The following AKR1C3 variants were observed in gnomAD, a reference collection of about 807,000 sequenced individuals.
The protein encoded by AKR1C3 is 3-alpha hydroxysteroid dehydrogenase, type II.
A neutral mutation model predicts 43.6 loss-of-function variants in AKR1C3; 48 were observed. The observed-to-expected ratio is 1.10, with a 90% CI of 0.87 to 1.40. AKR1C3 has a LOEUF of 1.40. Ranked by LOEUF, AKR1C3 falls within the 40% of genes most tolerant of loss-of-function variation. AKR1C3 has a pLI of 0.00. For missense variants in AKR1C3, 482 were observed against 391.2 expected (o/e 1.23, Z -1.96); for synonymous variants, 162 against 139.6 (o/e 1.16, Z -1.13).
intron 1 of AKR1C3, among the ~76,000 whole-genome samples, chr10:5,055,159 T>C (rs1838233965): frequency 6.6e-6 from 1 of 152,238 alleles, no homozygotes; most frequent in South Asian, 2.1e-4. Flanking sequence ...TCAAATATGG[T>C]TACATCTCTG....
intron 1 of AKR1C3, among the ~76,000 whole-genome samples, chr10:5,065,761 A>G (rs543824131): frequency 6.6e-6 from 1 of 152,266 alleles, no homozygotes; most frequent in East Asian, 1.9e-4. Flanking sequence ...TGGAAAGGAT[A>G]TTTCCTGTCA....
At chr10:5,057,064 G>T (rs1199191336) in intron 1 of AKR1C3, among the ~76,000 whole-genome samples, 2 of 152,208 alleles carry the variant, frequency 1.3e-5, no homozygotes, top group African/African-American at 2.4e-5. Context: ...GGTACCCTCA[G>T]TCCTATTGTT....
chr10:5,067,654 T>C (rs950461248), intron 1 of AKR1C3, among the ~76,000 whole-genome samples: 1 of 152,216 alleles, frequency 6.6e-6, no homozygotes, highest in Non-Finnish European at 1.5e-5. Context: ...ATGACATCCT[T>C]TCATAAAATG....
At chr10:5,103,363 T>C (rs1839407335) in intron 7 of AKR1C3, among the ~76,000 whole-genome samples, 1 of 152,126 alleles carries the variant, frequency 6.6e-6, no homozygotes, top group African/African-American at 2.4e-5. Flanking sequence ...CTTAGTTGCT[T>C]GTCTTTTTTT....
At position 5,049,111 on chromosome 10, in the gene AKR1C3, G is replaced by C. The variant is rs573441425; in HGVS notation, c.84+216G>C. On this transcript the variant is annotated intron_variant, in intron 1 of 8. Transcript: ENST00000439082. ...CATGGTCATCTACTGTTTATTTGGG[G>C]CACTGTTTTTTTTCTTCTATTTATG... is the stretch of plus-strand genomic sequence containing the variant. Among the ~76,000 whole-genome samples the C allele has an allele frequency of 2.8e-3, 285 of 101,604 alleles. 2 individuals carry two copies. The highest frequency in any genetic ancestry group is 0.012 in the African/African-American group (263 of 21,212). The allele number at this position is 101,604 out of a possible 152,430, so 66.7% of individuals were successfully genotyped here.
At chr10:5,096,325 A>G (rs1839205704) in intron 1 of AKR1C3, 85 bp from the exon 2 acceptor site, 1 of 1,492,742 alleles carries the variant, frequency 6.7e-7, no homozygotes, top group Non-Finnish European at 9.0e-7. Context: ...GGAAAAGCTG[A>G]TTCTTGTATA....
intron 8 of AKR1C3, among the ~76,000 whole-genome samples, 177 bp from the exon 9 acceptor site, chr10:5,107,284 T>TA (rs1839530666): frequency 6.6e-6 from 1 of 152,190 alleles, no homozygotes; most frequent in African/African-American, 2.4e-5. Flanking sequence ...GATTGAATAA[T>TA]TTATTATTTT....
chr10:5,056,250 C>G (rs1554779572), intron 1 of AKR1C3, among the ~76,000 whole-genome samples: 1 of 152,128 alleles, frequency 6.6e-6, no homozygotes, highest in East Asian at 1.9e-4. Flanking sequence ...GATGTGTGGT[C>G]TGTGGGATCC....
chr10:5,053,128 T>C (rs1838186545), intron 1 of AKR1C3, among the ~76,000 whole-genome samples: 1 of 152,250 alleles, frequency 6.6e-6, no homozygotes, highest in Admixed American at 6.5e-5. Flanking sequence ...TGCCTGCCAG[T>C]CCCGTGCCAT....
chr10:5,064,016 A>G (rs1299850044), intron 1 of AKR1C3, among the ~76,000 whole-genome samples: 9 of 152,172 alleles, frequency 5.9e-5, no homozygotes, highest in African/African-American at 2.2e-4. Flanking sequence ...CTTCATCAGA[A>G]GTGGAATCTA....
chr10:5,054,022 T>C (rs550068808), intron 1 of AKR1C3, among the ~76,000 whole-genome samples: 4 of 152,108 alleles, frequency 2.6e-5, no homozygotes, highest in African/African-American at 9.6e-5. Context: ...ACTCCAGAGG[T>C]TGGTATAAGA....
At chr10:5,091,116 CGAA>C (rs1180395753), upstream of AKR1C3, among the ~76,000 whole-genome samples, 1 of 151,476 alleles carries the variant, frequency 6.6e-6, no homozygotes, top group Non-Finnish European at 1.5e-5. Flanking sequence ...GAGCAACCAC[CGAA>C]GAAGAAAACG....
intron 1 of AKR1C3, chr10:5,081,690 T>A (rs1188909357): frequency 4.6e-5 from 7 of 152,180 alleles, no homozygotes; most frequent in African/African-American, 1.7e-4. Flanking sequence ...AGGTGTGAAT[T>A]CAAAGGCAGC....
Position 5,097,443 on chromosome 10 carries a change from A to G in AKR1C3, c.262A>G (p.Thr88Ala). 1 of 1,613,606 alleles carries G rather than the reference A, an allele frequency of 6.2e-7. No homozygotes were observed. Among genetic ancestry groups the G allele is most frequent in the Non-Finnish European group, 8.5e-7 (1 of 1,179,714 alleles). ...DIFYTSKLWS[T>A]FHRPELVRPA... Reference sequence around the variant, plus strand: ...TCTTTAACCTCTGCAGCTTTGGTCCACTTTTCATCGACCAGAGTTGGTCCG... The same window carrying G: ...TCTTTAACCTCTGCAGCTTTGGTCCGCTTTTCATCGACCAGAGTTGGTCCG... Residue 88 changes from threonine (T) to alanine (A), a missense_variant, in exon 3 of 9, where the codon ACT (threonine) becomes GCT (alanine). By Grantham distance (58) the Thr-to-Ala change is moderately conservative. Transcript: ENST00000380554.
intron 1 of AKR1C3, among the ~76,000 whole-genome samples, chr10:5,061,858 A>T (rs1283214541): frequency 6.6e-6 from 1 of 152,236 alleles, no homozygotes; most frequent in Non-Finnish European, 1.5e-5. Context: ...GCTTGTAAGT[A>T]TGAAAGACAA....
At chr10:5,055,870 CA>C (rs1176098514) in intron 1 of AKR1C3, among the ~76,000 whole-genome samples, 2 of 152,132 alleles carry the variant, frequency 1.3e-5, no homozygotes, top group African/African-American at 2.4e-5. Flanking sequence ...CCATAGTCGG[CA>C]AAAGCCGGTA....
intron 1 of AKR1C3, chr10:5,081,966 T>C (rs1554782397): frequency 1.3e-5 from 2 of 152,206 alleles, no homozygotes; most frequent in East Asian, 1.9e-4. Flanking sequence ...AGAAGCTACA[T>C]GGCATTCACC....
intron 1 of AKR1C3, among the ~76,000 whole-genome samples, chr10:5,060,866 C>A (rs1295907826): frequency 6.6e-6 from 1 of 152,234 alleles, no homozygotes; most frequent in Non-Finnish European, 1.5e-5. Flanking sequence ...AGAAATTGAG[C>A]ACAGCAGCTG....
intron 5 of AKR1C3, chr10:5,099,753 T>C (rs1349470461): frequency 8.3e-6 from 3 of 362,802 alleles, no homozygotes; most frequent in Non-Finnish European, 1.5e-5. Flanking sequence ...CTCTAAGCTA[T>C]GAAAGATGAC....
Sources: gnomAD v4.1 joint callset for allele counts (sites outside exome capture counted in the v4.1 genomes callset) on GRCh38, gnomAD v4.1.1 for gene constraint, MANE v1.5 for transcripts, NCBI Gene and HGNC (gene_info 2026-07-23, HGNC 2026-07-21) for gene names.